Variants in RTL4 observed in about 807,000 individuals in gnomAD.
RTL4 encodes the protein retrotransposon Gag like 4, also known as retrotransposon Gag-like protein 4.
Under a neutral mutation model 5.3 loss-of-function variants are expected in RTL4, and 4 were observed. That is an observed-to-expected ratio of 0.75 (90% CI 0.37 to 1.72). RTL4 has a LOEUF of 1.72. Ranked by LOEUF, RTL4 falls within the 40% of genes most tolerant of loss-of-function variation. The pLI is 0.04. For missense variants in RTL4, 260 were observed against 227.1 expected (o/e 1.14, Z -0.93); for synonymous variants, 98 against 87.3 (o/e 1.12, Z -0.68).
chrX:112,351,343 G>A, the RTL4 span, among the ~76,000 whole-genome samples: 2 of 108,552 alleles, frequency 1.8e-5, no homozygotes, highest in Non-Finnish European at 3.8e-5. Flanking sequence ...TGTATATTCT[G>A]TTGATTTGGG....
the RTL4 span, among the ~76,000 whole-genome samples, chrX:112,289,759 T>C: frequency 2.2e-5 from 2 of 89,426 alleles, no homozygotes; most frequent in African/African-American, 1.0e-4. Context: ...TGTGTGTACG[T>C]GTGTGTATAA....
At chrX:112,422,550 G>A in the RTL4 span, among the ~76,000 whole-genome samples, 6,146 of 110,410 alleles carry the variant, frequency 0.056, 168 homozygotes, top group African/African-American at 0.097. Flanking sequence ...TGCTCTGGTC[G>A]TCTCTGACCC....
chrX:112,333,172 G>T, the RTL4 span, among the ~76,000 whole-genome samples: 27 of 110,430 alleles, frequency 2.4e-4, 1 homozygote, highest in Non-Finnish European at 1.1e-4. Flanking sequence ...GACTGTTTGC[G>T]TCCTTTAATC....
chrX:112,354,911 G>A, the RTL4 span, among the ~76,000 whole-genome samples: 5,836 of 111,020 alleles, frequency 0.053, 394 homozygotes, highest in African/African-American at 0.18. Flanking sequence ...AATGACAACA[G>A]CAATAACTAC....
chrX:112,358,098 T>G, the RTL4 span, among the ~76,000 whole-genome samples: 4 of 111,094 alleles, frequency 3.6e-5, no homozygotes, highest in African/African-American at 1.3e-4. Flanking sequence ...TTTCTTTCTT[T>G]CTTTTTTACT....
the RTL4 span, among the ~76,000 whole-genome samples, chrX:112,094,781 C>A: frequency 9.0e-6 from 1 of 111,430 alleles, no homozygotes; most frequent in Non-Finnish European, 1.9e-5. Flanking sequence ...AGAAGTCTGG[C>A]AAAATAAGGA....
chrX:112,433,998 T>G, the RTL4 span, among the ~76,000 whole-genome samples: 1 of 88,762 alleles, frequency 1.1e-5, no homozygotes, highest in Non-Finnish European at 2.3e-5. Context: ...AATCATGTGG[T>G]TTTTGTCTTT....
chrX:112,132,218 A>G, the RTL4 span, among the ~76,000 whole-genome samples: 738 of 111,706 alleles, frequency 6.6e-3, 9 homozygotes, highest in African/African-American at 0.023. Context: ...CCTAGCTTTT[A>G]TTTTCCTTAA....
chrX:112,150,573 G>A, the RTL4 span, among the ~76,000 whole-genome samples: 3 of 111,910 alleles, frequency 2.7e-5, no homozygotes, highest in African/African-American at 9.7e-5. Flanking sequence ...ATGGTGGCAT[G>A]TAAGATTATG....
chrX:112,237,102 A>T, the RTL4 span, among the ~76,000 whole-genome samples: 428 of 111,971 alleles, frequency 3.8e-3, 1 homozygote, highest in Middle Eastern at 9.2e-3. Context: ...GGAACCAAAG[A>T]GTCCCAGAAT....
At chrX:112,305,257 A>G in the RTL4 span, among the ~76,000 whole-genome samples, 1 of 109,461 alleles carries the variant, frequency 9.1e-6, no homozygotes, top group African/African-American at 3.3e-5. Context: ...TCCGGGTTCA[A>G]GTGATTCTCC....
At chrX:112,421,658 T>C in the RTL4 span, among the ~76,000 whole-genome samples, 1 of 112,021 alleles carries the variant, frequency 8.9e-6, no homozygotes, top group African/African-American at 3.2e-5. Flanking sequence ...GCCTCCACAG[T>C]GAACGCTGAT....
chrX:112,380,575 A>G, the RTL4 span, among the ~76,000 whole-genome samples: 1 of 112,285 alleles, frequency 8.9e-6, no homozygotes, highest in East Asian at 2.8e-4. Context: ...GTGATTATGG[A>G]TTATCAATAA....
the RTL4 span, chrX:112,381,429 C>T: frequency 8.3e-7 from 1 of 1,206,400 alleles, no homozygotes; most frequent in African/African-American, 1.8e-5. Context: ...CAAGCTCAAA[C>T]CCAGCGGGAA....
the RTL4 span, among the ~76,000 whole-genome samples, chrX:112,334,897 C>A: frequency 9.0e-6 from 1 of 111,594 alleles, no homozygotes; most frequent in African/African-American, 3.3e-5. Context: ...CCATTAACAT[C>A]TTAATTCATA....
the RTL4 span, among the ~76,000 whole-genome samples, chrX:112,334,893 A>G: frequency 9.0e-6 from 1 of 111,663 alleles, no homozygotes; most frequent in Non-Finnish European, 1.9e-5. Context: ...ATTACCATTA[A>G]CATCTTAATT....
the RTL4 span, among the ~76,000 whole-genome samples, chrX:112,167,073 G>C: frequency 1.4e-4 from 16 of 111,194 alleles, no homozygotes; most frequent in African/African-American, 5.2e-4. Context: ...AATGAGATGA[G>C]ACAAAAACCT....
chrX:112,309,813 C>T, the RTL4 span, among the ~76,000 whole-genome samples: 1 of 103,366 alleles, frequency 9.7e-6, no homozygotes, highest in Admixed American at 1.0e-4. Flanking sequence ...CATATACACA[C>T]ACATATATAC....
the RTL4 span, among the ~76,000 whole-genome samples, chrX:112,104,534 G>C: frequency 9.0e-6 from 1 of 111,494 alleles, no homozygotes; most frequent in African/African-American, 3.2e-5. Context: ...AGCGTTCTCT[G>C]TTCTCCACAG....
Sources: allele counts gnomAD v4.1 joint callset (sites outside exome capture counted in the v4.1 genomes callset), GRCh38; gene constraint gnomAD v4.1.1; transcripts MANE v1.5; gene names NCBI Gene and HGNC (gene_info 2026-07-23, HGNC 2026-07-21).